The following CPZ variants were observed in gnomAD, a reference collection of about 807,000 sequenced individuals.
The protein encoded by CPZ is VEZT/CPZ fusion.
In CPZ, 103 loss-of-function variants were observed where a neutral mutation model predicts 61.8. The observed-to-expected ratio is 1.67, with a 90% confidence interval of 1.42 to 1.96. The LOEUF is 1.96. CPZ is among the 30% of genes most tolerant of loss of function. The probability of loss-of-function intolerance (pLI) is 0.00; values close to 1 mark genes in which losing one functional copy is unlikely to be tolerated. For missense variants in CPZ, 1,461 were observed against 914.9 expected (o/e 1.60, Z -7.70); for synonymous variants, 551 against 373.7 (o/e 1.47, Z -5.47).
chr4:8,609,237 C>G (rs1176302791), intron 7 of CPZ, among the ~76,000 whole-genome samples: 26 of 66,742 alleles, frequency 3.9e-4, no homozygotes, highest in Non-Finnish European at 7.5e-4. Context: ...CTCATTGTCA[C>G]TCATTCACTC....
chr4:8,606,097 A>AC lies in CPZ; in HGVS notation c.823dup (p.Arg275ProfsTer20). 3 of 1,613,812 alleles carry AC rather than the reference A, an allele frequency of 1.9e-6. No homozygotes were observed. Among genetic ancestry groups the AC allele is most frequent in the African/African-American group, 1.3e-5 (1 of 74,906 alleles). ...CTGTGCTCTGAGTACCTGCTTGGTA[A>AC]CCCCCGCATCCAGCGCCTGCTCAAC... On this transcript the variant is annotated frameshift_variant, in exon 5 of 11. Coordinates refer to ENST00000360986, the MANE Select transcript of CPZ (RefSeq NM_001014447.3). LOFTEE classifies it high-confidence loss of function.
rs770867346 is a variant in CPZ at position 8,606,018 on chromosome 4, A to G, written c.739A>G (p.Ile247Val). Residue 247 changes from isoleucine (I) to valine (V), a missense_variant, in exon 5 of 11, where the codon ATT (isoleucine) becomes GTT (valine). Transcript: ENST00000360986. Reference sequence around the variant, plus strand: ...GCCCGAGGTGAAGCTCATCGGCAACATTCATGGCAACGAGGTGGCGGGCCG... The same window carrying G: ...GCCCGAGGTGAAGCTCATCGGCAACGTTCATGGCAACGAGGTGGCGGGCCG... ...MEPEVKLIGN[I>V]HGNEVAGREM... 1 of 1,613,902 alleles carries G rather than the reference A, an allele frequency of 6.2e-7. No individual in the cohort carries two copies. Among genetic ancestry groups the G allele is most frequent in the African/African-American group, 1.3e-5 (1 of 74,936 alleles).
At chr4:8,612,680 G>A (rs1218643315) in intron 8 of CPZ, among the ~76,000 whole-genome samples, 1 of 152,186 alleles carries the variant, frequency 6.6e-6, no homozygotes, top group Non-Finnish European at 1.5e-5. Flanking sequence ...TGGGGAGGCT[G>A]CACAGGAGCA....
At chr4:8,618,254 A>C (rs990380223) in intron 9 of CPZ, 175 bp from the exon 10 acceptor site, 2 of 612,376 alleles carry the variant, frequency 3.3e-6, no homozygotes, top group South Asian at 1.9e-5. Flanking sequence ...AGGCCCAGAG[A>C]GGGGAGTGAC....
Position 8,619,496 on chromosome 4 carries a change from C to G in CPZ, c.1838C>G (p.Ala613Gly), listed in dbSNP as rs1168335364. Residue 613 changes from alanine to glycine, a missense_variant, in exon 11 of 11, where the codon GCC becomes GGC. By Grantham distance (60) the Ala-to-Gly change is moderately conservative. Transcript: ENST00000360986. The part of the protein sequence containing the change: ...PLGGASSLGE[A>G]TEPDPLRARR... ...GGAGGTGCCAGCTCTTTGGGGGAGG[C>G]CACGGAGCCCGACCCGCTCCGGGCG... 6.2e-7 allele frequency: 1 copy of G among 1,606,078 alleles called. No homozygotes were observed. The highest frequency in any genetic ancestry group is 8.5e-7 in the Non-Finnish European group (1 of 1,175,082).
chr4:8,604,062 C>T lies in CPZ; in HGVS notation c.583C>T (p.Arg195Cys), dbSNP rs781355299. The change falls in exon 4 of 11, where the codon CGT becomes TGT. Residue 195 changes from arginine to cysteine, a missense_variant. By Grantham distance (180) the Arg-to-Cys change is radical. Coordinates refer to ENST00000360986, the MANE Select transcript of CPZ (RefSeq NM_001014447.3). ...FSHHSYAQMV[R>C]VLRRTASRCA... Reference sequence around the variant, plus strand: ...CCACCACTCCTACGCCCAGATGGTGCGTGTGCTGAGGCGGACGGCCTCCCG... The same window carrying T: ...CCACCACTCCTACGCCCAGATGGTGTGTGTGCTGAGGCGGACGGCCTCCCG... 29 of 1,611,550 alleles carry T rather than the reference C, an allele frequency of 1.8e-5. No individual in the cohort carries two copies. The highest frequency in any genetic ancestry group is 5.5e-5 in the South Asian group (5 of 91,018).
chr4:8,616,745 C>T (rs1716204009), intron 9 of CPZ, among the ~76,000 whole-genome samples: 1 of 152,212 alleles, frequency 6.6e-6, no homozygotes, highest in African/African-American at 2.4e-5. Flanking sequence ...CTCTTCATCA[C>T]CTCTCATGCA....
intron 7 of CPZ, among the ~76,000 whole-genome samples, chr4:8,609,883 G>A (rs1217630217): frequency 1.3e-5 from 2 of 152,200 alleles, no homozygotes; most frequent in Admixed American, 1.3e-4. Context: ...GCATGAGAGG[G>A]GCTGGCTGGG....
intron 7 of CPZ, among the ~76,000 whole-genome samples, chr4:8,611,601 G>T (rs1013147599): frequency 1.3e-5 from 2 of 152,158 alleles, no homozygotes; most frequent in South Asian, 2.1e-4. Flanking sequence ...AGAAGTAGTT[G>T]GCTTTGGAGA....
intron 3 of CPZ, 42 bp from the exon 4 acceptor site, chr4:8,603,934 T>G: frequency 6.4e-7 from 1 of 1,572,716 alleles, no homozygotes; most frequent in Non-Finnish European, 8.7e-7. Context: ...GTAGGAAGCC[T>G]GGGGGCCTGA....
intron 8 of CPZ, among the ~76,000 whole-genome samples, chr4:8,613,070 C>T (rs932490915): frequency 6.6e-6 from 1 of 152,162 alleles, no homozygotes; most frequent in Non-Finnish European, 1.5e-5. Flanking sequence ...CCCGTCATAG[C>T]CCTGTGACTG....
chr4:8,614,833 G>A (rs947586509), intron 9 of CPZ, among the ~76,000 whole-genome samples: 4 of 152,136 alleles, frequency 2.6e-5, no homozygotes, highest in African/African-American at 7.2e-5. Context: ...GGCTGGGGGG[G>A]CTTCCTGGAG....
chr4:8,615,466 T>C (rs1386231050), intron 9 of CPZ, among the ~76,000 whole-genome samples: 1 of 152,190 alleles, frequency 6.6e-6, no homozygotes, highest in Non-Finnish European at 1.5e-5. Flanking sequence ...TGAGCACAGA[T>C]GCCCAGTGAG....
intron 8 of CPZ, among the ~76,000 whole-genome samples, 194 bp downstream of exon 8, chr4:8,612,356 A>C (rs1715783865): frequency 1.0e-5 from 1 of 96,922 alleles, no homozygotes; most frequent in South Asian, 4.0e-4. Flanking sequence ...CTGTCGTGTG[A>C]CTGTTGTGGA....
chr4:8,607,401 G>GT lies in CPZ; in HGVS notation c.1207dup (p.Ser403PhefsTer18). On this transcript the variant is annotated frameshift_variant, in exon 7 of 11. Transcript: ENST00000360986. LOFTEE classifies it high-confidence loss of function. The stretch of plus-strand genomic sequence containing the variant: ...CCAAGCACCCCCAGGAGGAGAAGAT[G>GT]TTTTCTCCCACGCCCGACGAGAAGG... 6.2e-7 allele frequency: 1 copy of GT among 1,613,962 alleles called. No individual in the cohort carries two copies. The highest frequency in any genetic ancestry group is 8.5e-7 in the Non-Finnish European group (1 of 1,179,852).
intron 6 of CPZ, 60 bp downstream of exon 6, chr4:8,606,958 T>G: frequency 6.6e-7 from 1 of 1,519,184 alleles, no homozygotes; most frequent in Non-Finnish European, 8.9e-7. Flanking sequence ...CCCTAGTTAT[T>G]CCAGGCTCTC....
At chr4:8,600,899 C>T (rs1714525075) in intron 2 of CPZ, 2 of 1,271,424 alleles carry the variant, frequency 1.6e-6, no homozygotes, top group Non-Finnish European at 2.0e-6. Flanking sequence ...CTGCGGCTGG[C>T]TTGCTGGTGG....
At chr4:8,611,007 CTCACTCAT>C (rs201465210) in intron 7 of CPZ, among the ~76,000 whole-genome samples, 9,394 of 94,078 alleles carry the variant, frequency 0.1, 519 homozygotes, top group East Asian at 0.21. Flanking sequence ...CACTCATTCA[CTCACTCAT>C]TCACTCATTC....
At chr4:8,607,456 G>A (rs780538702) in intron 7 of CPZ, 31 bp downstream of exon 7, 32 of 1,608,542 alleles carry the variant, frequency 2.0e-5, no homozygotes, top group Non-Finnish European at 2.7e-5. Flanking sequence ...GTGCAGGGGA[G>A]GGAGACAGTG....
Sources: allele counts gnomAD v4.1 joint callset (sites outside exome capture counted in the v4.1 genomes callset), GRCh38; gene constraint gnomAD v4.1.1; transcripts MANE v1.5; gene names NCBI Gene and HGNC (gene_info 2026-07-23, HGNC 2026-07-21).